Variants in PAMR1 observed in about 807,000 individuals in gnomAD.
PAMR1 encodes peptidase domain containing associated with muscle regeneration 1.
A neutral mutation model predicts 81.8 loss-of-function variants in PAMR1; 88 were observed. The ratio of observed to expected loss-of-function variants is 1.08; its 90% CI spans 0.91 to 1.28. The LOEUF (loss-of-function observed/expected upper bound fraction) is 1.28. Among genes scored for constraint, PAMR1 ranks in the 50% most tolerant of loss-of-function variants. The pLI is 0.00. For missense variants in PAMR1, 935 were observed against 919.7 expected, an observed-to-expected ratio of 1.02 and a Z score of -0.21; for synonymous variants, 336 against 345.3, an observed-to-expected ratio of 0.97 and a Z score of 0.30.
At chr11:35,468,850 T>C (rs1021851632) in intron 5 of PAMR1, among the ~76,000 whole-genome samples, 3 of 152,228 alleles carry the variant, frequency 2.0e-5, no homozygotes, top group African/African-American at 7.2e-5. Flanking sequence ...CTGTGTGTTA[T>C]CCATCAATCC....
At chr11:35,435,087 C>A (rs990428587) in intron 9 of PAMR1, among the ~76,000 whole-genome samples, 2 of 152,146 alleles carry the variant, frequency 1.3e-5, no homozygotes, top group African/African-American at 2.4e-5. Flanking sequence ...CTTTTAGAGC[C>A]TCTGTCTTCT....
chr11:35,432,947 A>C (rs1313075128), intron 10 of PAMR1, 55 bp from the exon 11 acceptor site: 1 of 1,455,788 alleles, frequency 6.9e-7, no homozygotes, highest in East Asian at 2.3e-5. Flanking sequence ...ACAGTGGATA[A>C]GAACAGACAA....
intron 1 of PAMR1, among the ~76,000 whole-genome samples, chr11:35,524,339 G>A (rs1207955227): frequency 1.3e-5 from 2 of 152,194 alleles, no homozygotes; most frequent in East Asian, 3.8e-4. Flanking sequence ...TAGGTAGATG[G>A]AAAGTATTGA....
chr11:35,463,943 C>T (rs1411478166), intron 6 of PAMR1, among the ~76,000 whole-genome samples: 2 of 152,176 alleles, frequency 1.3e-5, no homozygotes, highest in South Asian at 2.1e-4. Context: ...AAATTCATTT[C>T]CAGCTTGACA....
chr11:35,494,380 C>G lies in PAMR1; in HGVS notation c.74-108G>C. 5.3e-6 allele frequency: 5 copies of G among 943,128 alleles called. No individual in the cohort carries two copies. In the South Asian group the frequency reaches 7.5e-5, roughly 14 times the overall value. 58.4% of individuals were successfully genotyped at this position (943,128 alleles called of 1,614,324 possible). ...ACGGAGTCTTGCTCTGTCGCCCAGG[C>G]TGGAGTGCAGTGGCGCGATCTCGGC... is the stretch of plus-strand genomic sequence containing the variant. On this transcript the variant is annotated intron_variant, in intron 1 of 10. Coordinates refer to ENST00000619888, the MANE Select transcript of PAMR1 (RefSeq NM_001001991.3).
In PAMR1 at chr11:35,484,484, A is replaced by T. The variant is rs1045928755; in HGVS notation, c.379+7561T>A. The stretch of plus-strand genomic sequence containing the variant: ...TGGAGGGCAGCCCCGAAAGTCAGTA[A>T]CACACAGCTTTGTAAGCCTTCTCCC... On this transcript the variant is annotated intron_variant, in intron 3 of 10. Coordinates refer to ENST00000619888, the MANE Select transcript of PAMR1 (RefSeq NM_001001991.3). 3.9e-5 allele frequency among the ~76,000 whole-genome samples: 6 copies of T among 152,334 alleles called. No individual in the cohort carries two copies. In the South Asian group the frequency reaches 1.2e-3, roughly 32 times the overall value.
At chr11:35,457,057 C>T (rs961148439) in intron 6 of PAMR1, among the ~76,000 whole-genome samples, 2 of 152,058 alleles carry the variant, frequency 1.3e-5, no homozygotes, top group African/African-American at 4.8e-5. Context: ...GGTGATCTAC[C>T]TGACTGTGGT....
chr11:35,470,171 A>T (rs1856827151), intron 5 of PAMR1, among the ~76,000 whole-genome samples: 1 of 151,974 alleles, frequency 6.6e-6, no homozygotes, highest in Non-Finnish European at 1.5e-5. Flanking sequence ...CTCCCTTATC[A>T]CTCATTAGGA....
rs1385673358 is a variant in PAMR1, at chr11:35,432,515, G to A, written c.2004C>T (p.Ile668=). The change falls in exon 11 of 11, where the codon ATC becomes ATT. Residue 668 remains isoleucine, a synonymous_variant. Coordinates refer to ENST00000619888, the MANE Select transcript of PAMR1 (RefSeq NM_001001991.3). ...CTCGTCCCGGGAAGGACACAGCCGC[G>A]ATGCCTCCTGTCTCTGCAGTGCAGA... ...SDICTAETGG[I]AAVSFPGRAS... is the part of the protein sequence containing the mutation. 12 of 1,614,208 alleles carry A rather than the reference G, an allele frequency of 7.4e-6. No individual in the cohort carries two copies. Among genetic ancestry groups the A allele is most frequent in the African/African-American group, 1.3e-5 (1 of 75,062 alleles).
intron 3 of PAMR1, among the ~76,000 whole-genome samples, chr11:35,480,917 A>G (rs1381083959): frequency 6.6e-6 from 1 of 151,992 alleles, no homozygotes; most frequent in African/African-American, 2.4e-5. Context: ...ATGTATTCTC[A>G]TTGTTCAGCT....
intron 3 of PAMR1, among the ~76,000 whole-genome samples, chr11:35,484,817 G>A (rs576474291): frequency 7.9e-5 from 12 of 152,164 alleles, no homozygotes; most frequent in African/African-American, 1.9e-4. Flanking sequence ...ATTCTGGGTC[G>A]CTCTTGGGCC....
Position 35,474,716 on chromosome 11 carries a change from C to T in PAMR1, c.408G>A (p.Lys136=). The change falls in exon 4 of 11, where the codon AAG becomes AAA. Residue 136 remains lysine (K), a synonymous_variant. Transcript: ENST00000619888. ...GATAGCTTTCCAACAAAATCTGACC[C>T]TTTGGGGCTCGCAGAACCTGGCCAC... ...MRCGQVLRAP[K]GQILLESYPL... 1 of 1,610,828 alleles carries T rather than the reference C, an allele frequency of 6.2e-7. No individual in the cohort carries two copies. The highest frequency in any genetic ancestry group is 8.5e-7 in the Non-Finnish European group (1 of 1,178,774).
At chr11:35,452,141 C>T (rs553692208) in intron 6 of PAMR1, among the ~76,000 whole-genome samples, 1 of 151,902 alleles carries the variant, frequency 6.6e-6, no homozygotes, top group Admixed American at 6.6e-5. Flanking sequence ...GGAAATAAAA[C>T]AAGATTGAGC....
intron 8 of PAMR1, among the ~76,000 whole-genome samples, chr11:35,436,893 A>G (rs1294525721): frequency 6.6e-6 from 1 of 152,236 alleles, no homozygotes; most frequent in Non-Finnish European, 1.5e-5. Context: ...AGGGAGTTAA[A>G]TTGAATGAGA....
chr11:35,486,096 T>C (rs1187010274), intron 3 of PAMR1, among the ~76,000 whole-genome samples: 1 of 152,266 alleles, frequency 6.6e-6, no homozygotes, highest in African/African-American at 2.4e-5. Flanking sequence ...TAACATCATA[T>C]TGATGTCTTC....
chr11:35,433,770 A>ATGGATGGATG (rs1855965379), intron 10 of PAMR1, among the ~76,000 whole-genome samples: 1 of 98,728 alleles, frequency 1.0e-5, no homozygotes, highest in African/African-American at 4.1e-5. Flanking sequence ...ATGGATGGAT[A>ATGGATGGATG]GACGGATGGA....
chr11:35,528,583 G>T (rs1365253448), upstream of PAMR1, among the ~76,000 whole-genome samples: 1 of 152,016 alleles, frequency 6.6e-6, no homozygotes, highest in African/African-American at 2.4e-5. Flanking sequence ...AAAAACTTTT[G>T]TTTGTTTTTC....
At chr11:35,435,873 G>A (rs1317715380) in intron 9 of PAMR1, 30 bp downstream of exon 9, 4 of 1,525,758 alleles carry the variant, frequency 2.6e-6, no homozygotes, top group African/African-American at 1.4e-5. Context: ...GATTGAGCAT[G>A]CTCAAGCCCA....
At chr11:35,482,482 T>C (rs1443668056) in intron 3 of PAMR1, among the ~76,000 whole-genome samples, 1 of 152,246 alleles carries the variant, frequency 6.6e-6, no homozygotes, top group East Asian at 1.9e-4. Context: ...TGCCTCCAGC[T>C]TTGTTCTTTT....
Sources: gnomAD v4.1 joint callset for allele counts (sites outside exome capture counted in the v4.1 genomes callset) on GRCh38, gnomAD v4.1.1 for gene constraint, MANE v1.5 for transcripts, NCBI Gene and HGNC (gene_info 2026-07-23, HGNC 2026-07-21) for gene names.